Variants in NPTX2 observed in about 807,000 individuals in gnomAD.
NPTX2 encodes neuronal pentraxin 2.
Under a neutral mutation model 38.1 loss-of-function variants are expected in NPTX2, and 23 were observed. That is an observed-to-expected ratio of 0.60 (90% CI 0.43 to 0.85). The LOEUF is 0.85. Among genes scored for constraint, NPTX2 ranks in the 40% least tolerant of loss-of-function variants. NPTX2 has a pLI of 0.00. For missense variants in NPTX2, 553 were observed against 615.3 expected, an observed-to-expected ratio of 0.90 and a Z score of 1.07; for synonymous variants, 291 against 287.3, an observed-to-expected ratio of 1.01 and a Z score of -0.13.
At chr7:98,626,633 A>G (rs552976182) in intron 3 of NPTX2, among the ~76,000 whole-genome samples, 1 of 152,204 alleles carries the variant, frequency 6.6e-6, no homozygotes, top group South Asian at 2.1e-4. Flanking sequence ...CTGCATAGAA[A>G]GTGCTTGCAG....
At chr7:98,627,816 C>A (rs1791378319) in intron 4 of NPTX2, among the ~76,000 whole-genome samples, 1 of 152,088 alleles carries the variant, frequency 6.6e-6, no homozygotes, top group African/African-American at 2.4e-5. Flanking sequence ...GCCCCCTGCT[C>A]AGGGTCTTAA....
chr7:98,623,001 A>T (rs1791293255), intron 2 of NPTX2, among the ~76,000 whole-genome samples: 1 of 152,104 alleles, frequency 6.6e-6, no homozygotes, highest in South Asian at 2.1e-4. Context: ...CGTGTGTATT[A>T]TTCACTCTGA....
intron 3 of NPTX2, 130 bp downstream of exon 3, chr7:98,625,296 T>A: frequency 8.1e-7 from 1 of 1,233,736 alleles, no homozygotes; most frequent in Non-Finnish European, 1.1e-6. Flanking sequence ...ACTGCGGGGC[T>A]GTCCTCCTCG....
At chr7:98,627,651 A>G (rs1336865345) in intron 4 of NPTX2, among the ~76,000 whole-genome samples, 2 of 152,144 alleles carry the variant, frequency 1.3e-5, no homozygotes, top group East Asian at 3.9e-4. Context: ...CAGATTCCAA[A>G]TAGAACCTGG....
At chr7:98,624,844 A>C in intron 2 of NPTX2, 78 bp from the exon 3 acceptor site, 1 of 1,536,296 alleles carries the variant, frequency 6.5e-7, no homozygotes. Flanking sequence ...GGGTCTAGCA[A>C]GATGTGGCTC....
chr7:98,623,061 GCT>G (rs1791294811), intron 2 of NPTX2, among the ~76,000 whole-genome samples: 1 of 152,108 alleles, frequency 6.6e-6, no homozygotes, highest in Admixed American at 6.5e-5. Context: ...ATCTATTCTG[GCT>G]CATGTTGTGC....
At chr7:98,622,537 G>A (rs576287516) in intron 2 of NPTX2, among the ~76,000 whole-genome samples, 73 of 152,284 alleles carry the variant, frequency 4.8e-4, no homozygotes, top group Non-Finnish European at 6.8e-4. Context: ...AGGGACTTCC[G>A]GCCCCTGGCC....
chr7:98,622,154 C>G (rs1791280884), intron 2 of NPTX2, among the ~76,000 whole-genome samples: 1 of 152,224 alleles, frequency 6.6e-6, no homozygotes, highest in Non-Finnish European at 1.5e-5. Flanking sequence ...TCTCTTCCAG[C>G]CCCAGGCTGC....
Position 98,625,182 on chromosome 7 carries a change from A to G in NPTX2, c.888+16A>G, listed in dbSNP as rs745761113. ...CAACGACAAGGTGAGGCCCGCCTGC[A>G]CCGCCACCCTCCCCAGAACCCATCA... is the stretch of plus-strand genomic sequence containing the variant. On this transcript the variant is annotated intron_variant, in intron 3 of 4. Transcript: ENST00000265634. The G allele has an allele frequency of 1.9e-6, 3 of 1,569,840 alleles. No homozygotes were observed. Among genetic ancestry groups the G allele is most frequent in the East Asian group, 2.3e-5 (1 of 44,180 alleles).
chr7:98,618,002 C>T (rs1791202227), intron 1 of NPTX2, 115 bp downstream of exon 1: 3 of 1,082,446 alleles, frequency 2.8e-6, no homozygotes, highest in Non-Finnish European at 3.8e-6. Context: ...TGTGATCGTC[C>T]GTGGGGGTGA....
Position 98,627,300 on chromosome 7 carries a change from C to A in NPTX2, c.1024C>A (p.His342Asn). 6.2e-7 allele frequency: 1 copy of A among 1,613,934 alleles called. No homozygotes were observed. The highest frequency in any genetic ancestry group is 2.2e-5 in the East Asian group (1 of 44,876). The change falls in exon 4 of 5, where the codon CAC becomes AAC. Residue 342 changes from histidine to asparagine, a missense_variant. His to Asn is a moderately conservative substitution (Grantham distance 68, BLOSUM62 1). Transcript: ENST00000265634. ...CACTGGGGAGAACCTGGCCCCCTGG[C>A]ACCCCATCAAGCCCGGGGGCGTGCT... The part of the protein sequence containing the change: ...LGTGENLAPW[H>N]PIKPGGVLIL...
intron 2 of NPTX2, among the ~76,000 whole-genome samples, chr7:98,622,729 T>A (rs933208348): frequency 4.6e-5 from 7 of 152,242 alleles, no homozygotes; most frequent in Non-Finnish European, 1.0e-4. Context: ...CCTTGACTTC[T>A]TCGGGGAGCA....
intron 2 of NPTX2, among the ~76,000 whole-genome samples, chr7:98,620,835 G>A (rs779042420): frequency 6.6e-6 from 1 of 152,130 alleles, no homozygotes; most frequent in Non-Finnish European, 1.5e-5. Flanking sequence ...GGGAACTGTG[G>A]AACGAGAGGA....
At chr7:98,626,146 C>CAAAAAAAA in intron 3 of NPTX2, among the ~76,000 whole-genome samples, 1 of 71,428 alleles carries the variant, frequency 1.4e-5, no homozygotes, top group African/African-American at 4.4e-5. Context: ...TACCCTGTCT[C>CAAAAAAAA]AAAAAAAAAA....
Position 98,619,879 on chromosome 7 carries a change from CTCTG to C in NPTX2, c.643+25_643+28del. 1 of 1,605,726 alleles carries C rather than the reference CTCTG, an allele frequency of 6.2e-7. No individual in the cohort carries two copies. Among genetic ancestry groups the C allele is most frequent in the Non-Finnish European group, 8.5e-7 (1 of 1,174,506 alleles). Reference sequence around the variant, plus strand: ...AGCGAGGTGTGTGCCTGGCCTGTTTCTCTGTCTGGCAGTGGCCTGATTTTCACCA... The same window carrying C: ...AGCGAGGTGTGTGCCTGGCCTGTTTCTCTGGCAGTGGCCTGATTTTCACCA... On this transcript the variant is annotated intron_variant, in intron 2 of 4. Coordinates refer to ENST00000265634, the MANE Select transcript of NPTX2 (RefSeq NM_002523.3).
chr7:98,626,141 T>G (rs1791344753), intron 3 of NPTX2, among the ~76,000 whole-genome samples: 2 of 123,552 alleles, frequency 1.6e-5, no homozygotes, highest in Admixed American at 8.5e-5. Context: ...AGCGATACCC[T>G]GTCTCAAAAA....
rs1584140380 is a variant in NPTX2 at position 98,619,576 on chromosome 7, A to G, written c.427-67A>G. 4 of 1,383,444 alleles carry G rather than the reference A, an allele frequency of 2.9e-6. No individual in the cohort carries two copies. In the Admixed American group the frequency reaches 6.8e-5, roughly 23 times the overall value. The allele number at this position is 1,383,444 out of a possible 1,614,324, so 85.7% of individuals were successfully genotyped here. ...CTTCTCCCTGTGTGGTCGGGCCATC[A>G]CAGCCACATTTCACAATTTCTTTTT... On this transcript the variant is annotated intron_variant, in intron 1 of 4. Transcript: ENST00000265634.
In NPTX2 at chr7:98,617,561, C is replaced by T. The variant is rs1791188942; in HGVS notation, c.100C>T (p.Pro34Ser). The change falls in exon 1 of 5, where the codon CCA (proline) becomes TCA (serine). Residue 34 changes from proline to serine, a missense_variant. Pro to Ser is a moderately conservative substitution (Grantham distance 74). Transcript: ENST00000265634. ...CCGCTTCGTGTGCACGGCACTGCCC[C>T]CAGAGGCGGTGCACGCCGGCTGCCC... ...GSRFVCTALP[P>S]EAVHAGCPLP... The T allele has an allele frequency of 2.7e-6, 4 of 1,478,196 alleles. No homozygotes were observed. Among genetic ancestry groups the T allele is most frequent in the Non-Finnish European group, 3.6e-6 (4 of 1,121,626 alleles). The allele number at this position is 1,478,196 out of a possible 1,614,324, so 91.6% of individuals were successfully genotyped here.
chr7:98,617,597 A>T lies in NPTX2; in HGVS notation c.136A>T (p.Met46Leu). 4.0e-6 allele frequency: 6 copies of T among 1,486,672 alleles called. No homozygotes were observed. The highest frequency in any genetic ancestry group is 2.5e-5 in the South Asian group (2 of 79,342). 92.1% of individuals were successfully genotyped at this position (1,486,672 alleles called of 1,614,324 possible). Residue 46 changes from methionine to leucine, a missense_variant, in exon 1 of 5, where the codon ATG becomes TTG. Met to Leu is a conservative substitution (Grantham distance 15). Transcript: ENST00000265634. Reference protein sequence around the residue: ...AVHAGCPLPAMPMQGGAQSPE... With the variant: ...AVHAGCPLPALPMQGGAQSPE... ...GCACGCCGGCTGCCCGCTGCCCGCG[A>T]TGCCCATGCAGGGCGGCGCGCAGAG...
Sources: allele counts gnomAD v4.1 joint callset (sites outside exome capture counted in the v4.1 genomes callset), GRCh38; gene constraint gnomAD v4.1.1; transcripts MANE v1.5; gene names NCBI Gene and HGNC (gene_info 2026-07-23, HGNC 2026-07-21).